The following ANKS1B variants were observed in gnomAD, a reference collection of about 807,000 sequenced individuals.
ANKS1B encodes ankyrin repeat and sterile alpha motif domain-containing protein 1B.
Under a neutral mutation model 148.3 loss-of-function variants are expected in ANKS1B, and 36 were observed. The ratio of observed to expected loss-of-function variants is 0.24; its 90% confidence interval spans 0.19 to 0.32. The LOEUF is 0.32. Ranked by LOEUF, ANKS1B falls within the 10% of genes least tolerant of loss-of-function variation. The pLI is 1.00. For synonymous variants in ANKS1B, 542 were observed against 560.8 expected (o/e 0.97, Z 0.47); for missense variants, 1,157 against 1,542.6 (o/e 0.75, Z 4.19).
intron 14 of ANKS1B, among the ~76,000 whole-genome samples, chr12:99,217,170 C>G (rs2084340423): frequency 6.6e-6 from 1 of 152,152 alleles, no homozygotes; most frequent in Non-Finnish European, 1.5e-5. Context: ...TTGGGCCTCT[C>G]TGTTACAGCA....
At position 99,246,439 on chromosome 12, in the gene ANKS1B, C is replaced by G. The variant is rs1314803484; in HGVS notation, c.2182G>C (p.Asp728His). 2 of 1,613,798 alleles carry G rather than the reference C, an allele frequency of 1.2e-6. No homozygotes were observed. Among genetic ancestry groups the G allele is most frequent in the East Asian group, 4.5e-5 (2 of 44,864 alleles). ...GAGACACTTTTTGACAAATGCATGT[C>G]GATCAAGGCTTTAGGCAATGACCTT... ...RIRSLPKALI[D>H]MHLSKSVSKS... Residue 728 changes from aspartate (D) to histidine (H), a missense_variant, in exon 13 of 27, where the codon GAC (aspartate) becomes CAC (histidine). Physicochemically the swap from Asp to His is moderately conservative, Grantham distance 81. Coordinates refer to ENST00000683438, the MANE Select transcript of ANKS1B (RefSeq NM_001352186.2).
rs386377533 is a variant in ANKS1B, at chr12:98,768,426, TA to T, written c.3579+4615del. Reference sequence around the variant, plus strand: ...AAGGCCACCCCTGTGGGGTGCTCTCTAAAAAAAAAAAAAAAAAAAAAAAAAA... The same window carrying T: ...AAGGCCACCCCTGTGGGGTGCTCTCTAAAAAAAAAAAAAAAAAAAAAAAAA... On this transcript the variant is annotated intron_variant, in intron 25 of 26. Transcript: ENST00000683438. Among the ~76,000 whole-genome samples the T allele has an allele frequency of 4.4e-3, 207 of 46,676 alleles. 2 individuals are homozygous for T. Among genetic ancestry groups the T allele is most frequent in the East Asian group, 0.017 (21 of 1,268 alleles). The allele number at this position is 46,676 out of a possible 152,430, so 30.6% of individuals were successfully genotyped here. A position where few individuals can be genotyped will look rare whatever the true frequency, so the allele number is the denominator to read the frequency against.
intron 12 of ANKS1B, among the ~76,000 whole-genome samples, chr12:99,353,333 G>A: frequency 6.6e-6 from 1 of 151,970 alleles, no homozygotes; most frequent in East Asian, 1.9e-4. Flanking sequence ...AAATGTGTGT[G>A]TTGTCTGTAA....
intron 17 of ANKS1B, among the ~76,000 whole-genome samples, chr12:99,000,268 CTTT>C (rs905457820): frequency 0.021 from 2,623 of 125,378 alleles, 66 homozygotes; most frequent in African/African-American, 0.062. Flanking sequence ...TTTCTTTTTC[CTTT>C]TTTTTTTTTT....
intron 9 of ANKS1B, among the ~76,000 whole-genome samples, chr12:99,511,396 T>C (rs1187984754): frequency 2.0e-5 from 3 of 151,968 alleles, no homozygotes; most frequent in African/African-American, 7.2e-5. Flanking sequence ...TACAAACCAC[T>C]GTTCAAGGAA....
Position 98,745,677 on chromosome 12 carries a change from G to T in ANKS1B, c.*62C>A, listed in dbSNP as rs2097864705. ...GCTGGGTGGACGCGGAGGCGCGAAG[G>T]AAAGCCTGCTCCGGGACCGCTTGGC... On this transcript the variant is annotated 3_prime_UTR_variant, in exon 27 of 27. Transcript: ENST00000683438. The T allele has an allele frequency of 2.5e-6, 4 of 1,593,852 alleles. No individual in the cohort carries two copies. The Admixed American group carries it at 5.2e-5, about 21-fold the overall frequency.
chr12:99,340,763 A>C (rs946484125), intron 12 of ANKS1B, among the ~76,000 whole-genome samples: 1 of 151,850 alleles, frequency 6.6e-6, no homozygotes, highest in East Asian at 1.9e-4. Context: ...GAGAACTTTT[A>C]AAAAAAATGC....
intron 9 of ANKS1B, among the ~76,000 whole-genome samples, chr12:99,594,749 T>A (rs558354832): frequency 6.6e-6 from 1 of 152,076 alleles, no homozygotes; most frequent in East Asian, 1.9e-4. Context: ...ATTCAATGGA[T>A]ATAAAGTTTC....
chr12:99,120,214 G>A (rs766449215), intron 15 of ANKS1B, among the ~76,000 whole-genome samples: 2 of 152,168 alleles, frequency 1.3e-5, no homozygotes, highest in Admixed American at 6.5e-5. Flanking sequence ...GAAGGAAACC[G>A]GAGTGCCTGG....
chr12:99,546,842 A>C (rs1169512150), intron 9 of ANKS1B, among the ~76,000 whole-genome samples: 2 of 152,196 alleles, frequency 1.3e-5, no homozygotes, highest in Non-Finnish European at 2.9e-5. Flanking sequence ...AGGTTGGAGA[A>C]GTAGGCATCA....
chr12:99,900,647 G>A (rs746432671), intron 1 of ANKS1B, among the ~76,000 whole-genome samples: 18 of 151,886 alleles, frequency 1.2e-4, no homozygotes, highest in Non-Finnish European at 2.5e-4. Flanking sequence ...AAGCAGGGAA[G>A]ATTACATTAT....
chr12:98,955,835 A>G (rs2099861306), intron 17 of ANKS1B, among the ~76,000 whole-genome samples: 5 of 152,180 alleles, frequency 3.3e-5, no homozygotes, highest in African/African-American at 9.7e-5. Flanking sequence ...TATCTTTTAG[A>G]CAAGTGGAGA....
chr12:99,202,358 A>C (rs2153898651), intron 14 of ANKS1B, among the ~76,000 whole-genome samples: 1 of 152,352 alleles, frequency 6.6e-6, no homozygotes, highest in African/African-American at 2.4e-5. Context: ...CCTACCATCC[A>C]TAAACCCTCT....
chr12:98,776,014 G>A (rs955919318), intron 24 of ANKS1B, among the ~76,000 whole-genome samples: 7 of 152,208 alleles, frequency 4.6e-5, no homozygotes, highest in African/African-American at 7.2e-5. Flanking sequence ...GATAGCCTGC[G>A]GAGGCAGGTA....
rs78763750 is a variant in ANKS1B at position 98,958,658 on chromosome 12, A to G, written c.2778+94499T>C. ...ACTGAATACTTTAAAATAATGTTTCATCAGTGATTGTCAGAGTTATAAAAT... is the reference window on the plus strand; with the variant it reads ...ACTGAATACTTTAAAATAATGTTTCGTCAGTGATTGTCAGAGTTATAAAAT... On this transcript the variant is annotated intron_variant, in intron 17 of 26. Transcript: ENST00000683438. Among the ~76,000 whole-genome samples, 1,050 of 152,340 alleles carry G rather than the reference A, an allele frequency of 6.9e-3. 18 individuals are homozygous for G. Among genetic ancestry groups the G allele is most frequent in the African/African-American group, 0.024 (1,006 of 41,584 alleles).
intron 15 of ANKS1B, among the ~76,000 whole-genome samples, chr12:99,142,469 A>C (rs1289509748): frequency 6.6e-6 from 1 of 152,092 alleles, no homozygotes; most frequent in Non-Finnish European, 1.5e-5. Context: ...TGTCTAGAGC[A>C]GAATAAGAAT....
intron 8 of ANKS1B, among the ~76,000 whole-genome samples, chr12:99,720,320 C>G (rs2057944553): frequency 1.3e-5 from 2 of 152,214 alleles, no homozygotes; most frequent in Admixed American, 1.3e-4. Flanking sequence ...TAGACACTTT[C>G]ACTGGATGGG....
chr12:98,880,092 TC>T (rs1278893859), intron 17 of ANKS1B, among the ~76,000 whole-genome samples: 1 of 152,232 alleles, frequency 6.6e-6, no homozygotes, highest in African/African-American at 2.4e-5. Flanking sequence ...ATTCTTCATA[TC>T]CACTAGGGTG....
At chr12:99,454,875 A>C (rs1365889197) in intron 10 of ANKS1B, among the ~76,000 whole-genome samples, 1 of 152,212 alleles carries the variant, frequency 6.6e-6, no homozygotes, top group East Asian at 1.9e-4. Context: ...AATGAAAGAG[A>C]AAGGGAGGCC....
Sources: gnomAD v4.1 joint callset for allele counts (sites outside exome capture counted in the v4.1 genomes callset) on GRCh38, gnomAD v4.1.1 for gene constraint, MANE v1.5 for transcripts, NCBI Gene and HGNC (gene_info 2026-07-23, HGNC 2026-07-21) for gene names.